NADSYN1: variants seen among roughly 807,000 people sequenced by gnomAD.
NADSYN1 encodes the protein glutamine-dependent NAD(+) synthetase.
Under a neutral mutation model 99.3 loss-of-function variants are expected in NADSYN1, and 80 were observed. The ratio of observed to expected loss-of-function variants is 0.81; its 90% CI spans 0.67 to 0.97. The LOEUF (loss-of-function observed/expected upper bound fraction) is 0.97. Ranked by LOEUF, NADSYN1 falls within the 50% of genes least tolerant of loss-of-function variation. NADSYN1 has a pLI of 0.00. For missense variants in NADSYN1, 859 were observed against 948.5 expected (o/e 0.91, Z 1.24); for synonymous variants, 385 against 372.1 (o/e 1.03, Z -0.40).
At chr11:71,493,872 C>T (rs1949801319) in intron 18 of NADSYN1, among the ~76,000 whole-genome samples, 1 of 152,090 alleles carries the variant, frequency 6.6e-6, no homozygotes, top group Admixed American at 6.5e-5. Flanking sequence ...TGGCTCACGC[C>T]TGTAATCCCA....
Position 71,453,244 on chromosome 11 carries a change from A to C in NADSYN1, c.-53A>C. ...CGTCCCAGCCGCCTACCTCGCTGGG[A>C]CCCTGGTCTTGCTGTCCCCCGCTGG... On this transcript the variant is annotated 5_prime_UTR_variant, in exon 1 of 21. Transcript: ENST00000319023. The C allele has an allele frequency of 6.5e-7, 1 of 1,534,770 alleles. No homozygotes were observed. The highest frequency in any genetic ancestry group is 9.0e-7 in the Non-Finnish European group (1 of 1,115,240).
chr11:71,495,463 G>A (rs1180025413), intron 18 of NADSYN1, among the ~76,000 whole-genome samples: 1 of 152,200 alleles, frequency 6.6e-6, no homozygotes, highest in Non-Finnish European at 1.5e-5. Flanking sequence ...GAAGCGTCCC[G>A]TGTGCCCTTG....
At chr11:71,486,956 T>C (rs954428372) in intron 16 of NADSYN1, among the ~76,000 whole-genome samples, 12 of 151,888 alleles carry the variant, frequency 7.9e-5, no homozygotes, top group Non-Finnish European at 1.0e-4. Context: ...CAGGCGCCCA[T>C]CACCACGCCT....
At chr11:71,477,798 G>C (rs139779824) in intron 9 of NADSYN1, among the ~76,000 whole-genome samples, 3,074 of 152,234 alleles carry the variant, frequency 0.02, 90 homozygotes, top group African/African-American at 0.071. Context: ...CTTTGTGTTG[G>C]CCTCAGTCTC....
rs766913308 is a variant in NADSYN1 at position 71,474,546 on chromosome 11, A to T, written c.798+20A>T. The T allele has an allele frequency of 1.9e-6, 3 of 1,613,842 alleles. No individual in the cohort carries two copies. The highest frequency in any genetic ancestry group is 2.5e-6 in the Non-Finnish European group (3 of 1,179,816). On this transcript the variant is annotated intron_variant, in intron 9 of 20. Transcript: ENST00000319023. Reference sequence around the variant, plus strand: ...GACGTGGTAATGAGCGGGCCTGGACATGCCTGGGGGAGGGTTCTCTGTGCA... The same window carrying T: ...GACGTGGTAATGAGCGGGCCTGGACTTGCCTGGGGGAGGGTTCTCTGTGCA...
intron 20 of NADSYN1, chr11:71,498,908 C>T (rs540862191): frequency 1.2e-5 from 2 of 161,800 alleles, no homozygotes; most frequent in South Asian, 3.2e-4. Flanking sequence ...TGCACTGGAG[C>T]TGTTGAACTT....
intron 10 of NADSYN1, among the ~76,000 whole-genome samples, chr11:71,480,503 G>A (rs771142291): frequency 1.2e-4 from 18 of 152,166 alleles, no homozygotes; most frequent in Non-Finnish European, 2.1e-4. Context: ...CTGCCAGAGC[G>A]TTTGCCACAC....
chr11:71,475,518 G>A (rs1949659392), intron 9 of NADSYN1: 1 of 153,604 alleles, frequency 6.5e-6, no homozygotes, highest in Non-Finnish European at 1.4e-5. Flanking sequence ...GCTTGGAATG[G>A]GGTTCAGGAC....
chr11:71,458,342 C>A, intron 2 of NADSYN1, 86 bp from the exon 3 acceptor site: 2 of 981,486 alleles, frequency 2.0e-6, no homozygotes. Flanking sequence ...CCCCCAGACA[C>A]GTTCAGACTG....
At chr11:71,467,791 G>C (rs1046329854) in intron 5 of NADSYN1, among the ~76,000 whole-genome samples, 1 of 152,204 alleles carries the variant, frequency 6.6e-6, no homozygotes, top group African/African-American at 2.4e-5. Context: ...AGGTTATAGA[G>C]AAGAGGCGGT....
chr11:71,473,479 G>A (rs1226858808), intron 7 of NADSYN1, 90 bp from the exon 8 acceptor site: 1 of 1,530,168 alleles, frequency 6.5e-7, no homozygotes, highest in Non-Finnish European at 9.0e-7. Context: ...CGTGGGCTGG[G>A]AGCTGCCGTG....
chr11:71,481,231 C>T lies in NADSYN1; in HGVS notation c.999-125C>T, dbSNP rs1024053902. ...TCTCACGAGGTGCCTAAAGCAGAGA[C>T]GGGCGTCCTGAGAGCCCAGCGTTGA... is the stretch of plus-strand genomic sequence containing the variant. On this transcript the variant is annotated intron_variant, in intron 11 of 20. Coordinates refer to ENST00000319023, the MANE Select transcript of NADSYN1 (RefSeq NM_018161.5). 2.5e-5 allele frequency: 24 copies of T among 952,596 alleles called. No individual in the cohort carries two copies. The South Asian group carries it at 2.7e-4, about 11-fold the overall frequency. The allele number at this position is 952,596 out of a possible 1,614,324, so 59.0% of individuals were successfully genotyped here.
chr11:71,458,791 A>G, intron 3 of NADSYN1: 1 of 454,112 alleles, frequency 2.2e-6, no homozygotes. Context: ...TGCACACATC[A>G]GCAGACTCTG....
At chr11:71,463,398 GC>G in intron 3 of NADSYN1, 33 bp from the exon 4 acceptor site, 1 of 1,592,234 alleles carries the variant, frequency 6.3e-7, no homozygotes, top group South Asian at 1.1e-5. Context: ...TCATAACCGG[GC>G]AGACACACAT....
Position 71,474,427 on chromosome 11 carries a change from G to C in NADSYN1, c.699G>C (p.Lys233Asn). 6.2e-7 allele frequency: 1 copy of C among 1,614,222 alleles called. No homozygotes were observed. ...NGGIYLLANQ[K>N]GCDGDRLYYD... ...GGATTTACTTGCTGGCCAACCAGAA[G>C]GGTTGTGACGGGGACCGCCTGTACT... Residue 233 changes from lysine to asparagine, a missense_variant, in exon 9 of 21, where the codon AAG becomes AAC. Lys to Asn is a moderately conservative substitution (Grantham distance 94). Transcript: ENST00000319023.
intron 16 of NADSYN1, among the ~76,000 whole-genome samples, chr11:71,486,401 A>G (rs1307969481): frequency 6.6e-6 from 1 of 151,904 alleles, no homozygotes; most frequent in Non-Finnish European, 1.5e-5. Flanking sequence ...CCGTTCATCC[A>G]CCCATCTGTC....
chr11:71,488,512 G>A (rs1367174172), intron 16 of NADSYN1, among the ~76,000 whole-genome samples: 3 of 152,308 alleles, frequency 2.0e-5, no homozygotes, highest in African/African-American at 7.2e-5. Context: ...GACCTGCAGA[G>A]CTGTTTTGGA....
At chr11:71,456,329 T>C (rs1315937968) in intron 2 of NADSYN1, among the ~76,000 whole-genome samples, 1 of 152,246 alleles carries the variant, frequency 6.6e-6, no homozygotes, top group East Asian at 1.9e-4. Flanking sequence ...TTCATTTGAT[T>C]GATTCTTTAA....
rs35588716 is a variant in NADSYN1 at position 71,458,537 on chromosome 11, G to T, written c.256G>T (p.Val86Leu). ...SPVTQDIICDVGMPVMHRNVR... is the reference protein window; with the variant it reads ...SPVTQDIICDLGMPVMHRNVR... The stretch of plus-strand genomic sequence containing the variant: ...CGTCACTCAGGACATCATCTGCGAC[G>T]TGGGGATGTAAGTGCCAGTGTGAGT... Residue 86 changes from valine to leucine, a missense_variant, in exon 3 of 21, where the codon GTG becomes TTG. Val to Leu is a conservative substitution (Grantham distance 32, BLOSUM62 1). Transcript: ENST00000319023. 2.5e-6 allele frequency: 4 copies of T among 1,605,188 alleles called. No homozygotes were observed. Among genetic ancestry groups the T allele is most frequent in the African/African-American group, 2.7e-5 (2 of 74,954 alleles).
Sources: allele counts gnomAD v4.1 joint callset (sites outside exome capture counted in the v4.1 genomes callset), GRCh38; gene constraint gnomAD v4.1.1; transcripts MANE v1.5; gene names NCBI Gene and HGNC (gene_info 2026-07-23, HGNC 2026-07-21).